MMS19: variants seen among roughly 807,000 people sequenced by gnomAD.
MMS19 encodes MMS19 nucleotide excision repair protein homolog.
In MMS19, 77 loss-of-function variants were observed where a neutral mutation model predicts 129.8. That is an observed-to-expected ratio of 0.59 (90% CI 0.49 to 0.72). The LOEUF is 0.72. MMS19 is among the 30% of genes least tolerant of loss of function. The pLI, the probability that MMS19 is intolerant of heterozygous loss-of-function variation, is 0.00. For synonymous variants in MMS19, 491 were observed against 502.8 expected (o/e 0.98, Z 0.31); for missense variants, 1,168 against 1,266.3 (o/e 0.92, Z 1.18).
chr10:97,494,871 T>G (rs537275964), intron 1 of MMS19, among the ~76,000 whole-genome samples: 8 of 152,328 alleles, frequency 5.3e-5, no homozygotes, highest in Non-Finnish European at 7.4e-5. Context: ...CATTTCTCAT[T>G]GCATTCACTC....
At chr10:97,462,331 TTTTA>T (rs1209026739) in intron 20 of MMS19, among the ~76,000 whole-genome samples, 1 of 152,254 alleles carries the variant, frequency 6.6e-6, no homozygotes, top group Non-Finnish European at 1.5e-5. Context: ...TCAAGGTATA[TTTTA>T]AAATGCTCTA....
chr10:97,478,361 G>A lies in MMS19; in HGVS notation c.291C>T (p.Asn97=). Residue 97 remains asparagine, a synonymous_variant, in exon 4 of 31, where the codon AAC becomes AAT. Coordinates refer to ENST00000438925, the MANE Select transcript of MMS19 (RefSeq NM_022362.5). ...EVVHLILFYE[N]RLKDHHLVIP... is the part of the protein sequence containing the mutation. ...TCACAAGATGATGGTCCTTCAGCCG[G>A]TTCTCATAGAACAGTATCAGGTGTA... The A allele has an allele frequency of 6.2e-7, 1 of 1,606,050 alleles. No homozygotes were observed. Among genetic ancestry groups the A allele is most frequent in the Non-Finnish European group, 8.5e-7 (1 of 1,176,262 alleles).
At chr10:97,482,327 T>A (rs940808107) in intron 2 of MMS19, among the ~76,000 whole-genome samples, 1 of 152,188 alleles carries the variant, frequency 6.6e-6, no homozygotes, top group Non-Finnish European at 1.5e-5. Flanking sequence ...AATATGCATA[T>A]CCATAAAACG....
In MMS19 at chr10:97,466,170, A is replaced by C. The variant is rs2033440290; in HGVS notation, c.1506-11T>G. ...AGTGCTGCCACCCTGCTGGAGGCGC[A>C]GAGCAGATAAGCATTGGCTGAGCCT... On this transcript the variant is annotated splice_polypyrimidine_tract_variant and intron_variant, in intron 16 of 30. Transcript: ENST00000438925. 3 of 1,554,074 alleles carry C rather than the reference A, an allele frequency of 1.9e-6. No homozygotes were observed. The highest frequency in any genetic ancestry group is 2.7e-5 in the African/African-American group (2 of 73,128).
rs556982297 is a variant in MMS19 at position 97,483,204 on chromosome 10, C to A, written c.161+899G>T. ...GGTAGCTGGGACCACAGGCGCATGC[C>A]ACCACGCCTAGCTAATTTTTTGTAT... On this transcript the variant is annotated intron_variant, in intron 2 of 30. Transcript: ENST00000438925. Among the ~76,000 whole-genome samples, 11 of 152,278 alleles carry A rather than the reference C, an allele frequency of 7.2e-5. No individual in the cohort carries two copies. The South Asian group carries it at 1.9e-3, about 26-fold the overall frequency.
chr10:97,479,731 T>A lies in MMS19; in HGVS notation c.262+1211A>T, dbSNP rs144628092. On this transcript the variant is annotated intron_variant, in intron 3 of 30. Transcript: ENST00000438925. The stretch of plus-strand genomic sequence containing the variant: ...CTTATTTTGTGAACTATATCAGTAG[T>A]GTACATTACCATATAATGTAAAAAC... Among the ~76,000 whole-genome samples, 829 of 152,146 alleles carry A rather than the reference T, an allele frequency of 5.4e-3. 3 individuals are homozygous for A. The highest frequency in any genetic ancestry group is 0.016 in the African/African-American group (652 of 41,480).
chr10:97,486,862 C>CATATATATATATAAATATAT (rs2037945358), intron 1 of MMS19, among the ~76,000 whole-genome samples: 1 of 85,080 alleles, frequency 1.2e-5, no homozygotes, highest in African/African-American at 4.1e-5. Context: ...ATTAAAGTGC[C>CATATATATATATAAATATAT]ATATATATAT....
chr10:97,469,753 G>A (rs1360671163), intron 10 of MMS19, 30 bp from the exon 11 acceptor site: 2 of 1,597,642 alleles, frequency 1.3e-6, no homozygotes, highest in Admixed American at 1.7e-5. Flanking sequence ...TATCAGTTAT[G>A]TACACACTCA....
intron 1 of MMS19, among the ~76,000 whole-genome samples, chr10:97,496,511 CAAAAAA>C (rs11357826): frequency 2.8e-5 from 3 of 108,050 alleles, no homozygotes; most frequent in African/African-American, 3.4e-5. Context: ...GACCTTGTCT[CAAAAAA>C]AAAAAAAAAA....
Position 97,463,978 on chromosome 10 carries a change from C to T in MMS19, c.1792G>A (p.Val598Ile), listed in dbSNP as rs1234925469. The change falls in exon 19 of 31, where the codon GTC becomes ATC. Residue 598 changes from valine (V) to isoleucine (I), a missense_variant. By Grantham distance (29) the Val-to-Ile change is conservative. Around this residue, in one of 3 missense-constraint regions of MMS19, gnomAD observed 831 missense variants for 910.8 expected, o/e 0.91. Transcript: ENST00000438925. ...MVAQSSDVIA[V>I]CQSLRQMAEK... ...GCCATCTGTCTGAGGCTCTGACAGACAGCAATAACGTCACTGGATTGTGCA... is the reference window on the plus strand; with the variant it reads ...GCCATCTGTCTGAGGCTCTGACAGATAGCAATAACGTCACTGGATTGTGCA... 11 of 1,613,150 alleles carry T rather than the reference C, an allele frequency of 6.8e-6. No individual in the cohort carries two copies. The highest frequency in any genetic ancestry group is 9.3e-6 in the Non-Finnish European group (11 of 1,179,558).
At chr10:97,473,963 C>A (rs1321315825) in intron 8 of MMS19, among the ~76,000 whole-genome samples, 1 of 151,660 alleles carries the variant, frequency 6.6e-6, no homozygotes, top group African/African-American at 2.4e-5. Context: ...GGCAACATGG[C>A]AAAATCCTGT....
At chr10:97,482,070 G>A (rs1490933570) in intron 2 of MMS19, among the ~76,000 whole-genome samples, 3 of 152,220 alleles carry the variant, frequency 2.0e-5, no homozygotes, top group Non-Finnish European at 4.4e-5. Flanking sequence ...CAGCTACTTG[G>A]GAGGCTGAGG....
intron 4 of MMS19, 119 bp downstream of exon 4, chr10:97,478,185 A>T (rs1052000396): frequency 4.9e-5 from 38 of 775,690 alleles, no homozygotes; most frequent in Non-Finnish European, 1.3e-5. Context: ...ACACTAATTT[A>T]GTCCCACACT....
intron 27 of MMS19, 30 bp from the exon 28 acceptor site, chr10:97,459,556 G>A: frequency 6.2e-7 from 1 of 1,607,404 alleles, no homozygotes; most frequent in Non-Finnish European, 8.5e-7. Context: ...GTAGGGGATG[G>A]CCACATCATG....
intron 1 of MMS19, among the ~76,000 whole-genome samples, chr10:97,487,388 G>A (rs1444442278): frequency 1.4e-5 from 2 of 145,444 alleles, no homozygotes; most frequent in African/African-American, 2.6e-5. Flanking sequence ...GCGCGATCTC[G>A]GCTCACTGCA....
chr10:97,466,682 G>A, intron 15 of MMS19, 94 bp downstream of exon 15: 1 of 1,586,490 alleles, frequency 6.3e-7, no homozygotes, highest in Non-Finnish European at 8.7e-7. Context: ...ATCCAGAGTT[G>A]CAGTAAGAAG....
intron 2 of MMS19, 88 bp downstream of exon 2, chr10:97,484,015 G>T: frequency 1.2e-6 from 1 of 815,122 alleles, no homozygotes; most frequent in Non-Finnish European, 2.0e-6. Context: ...ACAAATTCAG[G>T]CTCCAGGAAA....
At chr10:97,482,656 A>AC (rs2037003385) in intron 2 of MMS19, among the ~76,000 whole-genome samples, 1 of 151,770 alleles carries the variant, frequency 6.6e-6, no homozygotes, top group Non-Finnish European at 1.5e-5. Context: ...ACAGAATTGT[A>AC]CATTTTAAAA....
intron 3 of MMS19, 79 bp downstream of exon 3, chr10:97,480,863 C>T: frequency 1.1e-6 from 1 of 933,124 alleles, no homozygotes; most frequent in Non-Finnish European, 1.7e-6. Context: ...CCCTCCCTGC[C>T]TGTAAAGTTG....
Sources: gnomAD v4.1 joint callset for allele counts (sites outside exome capture counted in the v4.1 genomes callset) on GRCh38, gnomAD v4.1.1 for gene constraint, gnomAD v4.1.1 regional missense constraint, MANE v1.5 for transcripts, NCBI Gene and HGNC (gene_info 2026-07-23, HGNC 2026-07-21) for gene names.